TFB1M: variants seen among roughly 807,000 people sequenced by gnomAD.
The protein encoded by TFB1M is transcription factor B1, mitochondrial.
A neutral mutation model predicts 31.1 loss-of-function variants in TFB1M; 27 were observed. That is an observed-to-expected ratio of 0.87 (90% confidence interval 0.64 to 1.20). TFB1M has a LOEUF of 1.20. TFB1M is among the 50% of genes most tolerant of loss of function. The pLI, the probability that TFB1M is intolerant of heterozygous loss-of-function variation, is 0.00. For synonymous variants in TFB1M, 166 were observed against 151.8 expected (o/e 1.09, Z -0.69); for missense variants, 394 against 418.7 (o/e 0.94, Z 0.51).
intron 5 of TFB1M, among the ~76,000 whole-genome samples, chr6:155,263,080 C>T (rs867260366): frequency 3.3e-5 from 5 of 152,146 alleles, no homozygotes; most frequent in African/African-American, 7.2e-5. Context: ...GCTTCTGGGA[C>T]GGCCAGGACC....
chr6:155,233,712 T>C, the TFB1M span, among the ~76,000 whole-genome samples: 2 of 152,170 alleles, frequency 1.3e-5, no homozygotes, highest in Admixed American at 1.3e-4. Context: ...CTCACGCCTA[T>C]AATCCCAGCA....
intron 2 of TFB1M, chr6:155,303,252 A>G (rs1777516625): frequency 6.6e-6 from 1 of 152,222 alleles, no homozygotes; most frequent in Non-Finnish European, 1.5e-5. Flanking sequence ...TCCTTAGGCC[A>G]AGAACACTAA....
At chr6:155,252,617 T>A (rs1240195919), downstream of TFB1M, among the ~76,000 whole-genome samples, 1 of 152,232 alleles carries the variant, frequency 6.6e-6, no homozygotes, top group Non-Finnish European at 1.5e-5. Context: ...CCTTTTACCT[T>A]CACTCAGAAA....
rs71023636 is a variant in TFB1M at position 155,286,355 on chromosome 6, A to AAGAC, written c.547-1082_547-1079dup. Among the ~76,000 whole-genome samples, 6 of 151,704 alleles carry AAGAC rather than the reference A, an allele frequency of 4.0e-5. No homozygotes were observed. In the East Asian group the frequency reaches 1.2e-3, roughly 29 times the overall value. On this transcript the variant is annotated intron_variant, in intron 4 of 6. Transcript: ENST00000367166. ...ATGTAAAAGCAGAGCTATATAAGAA[A>AAGAC]AGACAGACAGACAGACACACACACA...
chr6:155,248,340 G>A, the TFB1M span, among the ~76,000 whole-genome samples: 1 of 152,236 alleles, frequency 6.6e-6, no homozygotes, highest in Non-Finnish European at 1.5e-5. Flanking sequence ...ACGTGAATAT[G>A]TGAAACTAGC....
chr6:155,262,915 C>T (rs1445212899), intron 5 of TFB1M, among the ~76,000 whole-genome samples: 3 of 152,166 alleles, frequency 2.0e-5, no homozygotes, highest in African/African-American at 4.8e-5. Context: ...ACTATAGCGT[C>T]GACTTCTAAA....
At chr6:155,250,109 G>T in the TFB1M span, 1 of 609,628 alleles carries the variant, frequency 1.6e-6, no homozygotes. Context: ...TGTGTCTAAT[G>T]AACTACACAA....
intron 4 of TFB1M, among the ~76,000 whole-genome samples, chr6:155,294,531 A>C (rs1777077702): frequency 6.6e-6 from 1 of 152,194 alleles, no homozygotes; most frequent in African/African-American, 2.4e-5. Context: ...ACTAAAAACA[A>C]GGAACTCAAA....
intron 4 of TFB1M, among the ~76,000 whole-genome samples, chr6:155,288,246 T>C (rs1358067477): frequency 6.6e-6 from 1 of 152,206 alleles, no homozygotes; most frequent in Non-Finnish European, 1.5e-5. Flanking sequence ...TATTTTAAAC[T>C]GTCTGGCTCT....
chr6:155,276,319 G>C, intron 5 of TFB1M: 1 of 1,613,704 alleles, frequency 6.2e-7, no homozygotes, highest in Non-Finnish European at 8.5e-7. Context: ...CCACACAGCA[G>C]CCTATCTCTA....
intron 4 of TFB1M, among the ~76,000 whole-genome samples, chr6:155,291,499 T>C (rs1219767304): frequency 6.6e-6 from 1 of 152,216 alleles, no homozygotes; most frequent in Non-Finnish European, 1.5e-5. Flanking sequence ...TCAGGGTTCC[T>C]AACAAACATG....
chr6:155,282,917 C>T lies in TFB1M; in HGVS notation c.666+2241G>A, dbSNP rs192301053. Among the ~76,000 whole-genome samples the T allele has an allele frequency of 7.4e-3, 1,120 of 152,038 alleles. 15 individuals are homozygous for T. The highest frequency in any genetic ancestry group is 0.026 in the African/African-American group (1,062 of 41,492). ...TAATTTTTTGTATTTTTAGTAGAGA[C>T]GGGGTTTCACCATGTTAGCCAGGAT... On this transcript the variant is annotated intron_variant, in intron 5 of 6. Transcript: ENST00000367166.
chr6:155,296,993 C>T lies in TFB1M; in HGVS notation c.506G>A (p.Arg169Lys). The change falls in exon 4 of 7, where the codon AGA becomes AAA. Residue 169 changes from arginine to lysine, a missense_variant. This residue lies in a region of TFB1M where 273 missense variants were observed against 256.4 expected (regional missense o/e 1.06). Transcript: ENST00000367166. ...SCRDGPFVYG[R>K]TQMTLTFQKE... Reference sequence around the variant, plus strand: ...TTGAAAAGTCAAAGTCATCTGAGTTCTGCCATAAACAAAAGGTCCATCTCT... The same window carrying T: ...TTGAAAAGTCAAAGTCATCTGAGTTTTGCCATAAACAAAAGGTCCATCTCT... The T allele has an allele frequency of 4.3e-6, 7 of 1,613,968 alleles. No homozygotes were observed. The highest frequency in any genetic ancestry group is 5.9e-6 in the Non-Finnish European group (7 of 1,179,930).
chr6:155,250,818 A>C, the TFB1M span: 1 of 1,336,612 alleles, frequency 7.5e-7, no homozygotes, highest in Non-Finnish European at 1.1e-6. Flanking sequence ...CTGTGCTTGC[A>C]TTTTAGCAAT....
chr6:155,245,683 A>G, the TFB1M span: 3 of 1,612,742 alleles, frequency 1.9e-6, no homozygotes, highest in Non-Finnish European at 2.5e-6. Flanking sequence ...TAAACTGTAC[A>G]GTGGATTCTG....
chr6:155,234,548 G>A, the TFB1M span, among the ~76,000 whole-genome samples: 3 of 152,202 alleles, frequency 2.0e-5, no homozygotes, highest in East Asian at 1.9e-4. Flanking sequence ...GACCATAGGC[G>A]TGTGCCACCA....
intron 2 of TFB1M, among the ~76,000 whole-genome samples, chr6:155,307,136 T>TACACAGAC (rs1554257817): frequency 1.4e-5 from 2 of 147,244 alleles, no homozygotes; most frequent in Non-Finnish European, 3.0e-5. Context: ...CTCAAACACA[T>TACACAGAC]ACACACACAC....
the TFB1M span, chr6:155,244,887 TTGACTATTTATTGTCCTG>T: frequency 7.4e-7 from 1 of 1,354,380 alleles, no homozygotes; most frequent in Non-Finnish European, 1.0e-6. Flanking sequence ...CCTGTGACTA[TTGACTATTTATTGTCCTG>T]TGACTATTTC....
At chr6:155,278,512 C>T (rs1023225130) in intron 5 of TFB1M, among the ~76,000 whole-genome samples, 2 of 152,224 alleles carry the variant, frequency 1.3e-5, no homozygotes, top group Non-Finnish European at 2.9e-5. Context: ...CATGTCATGG[C>T]AAGTGCTTCC....
Sources: allele counts gnomAD v4.1 joint callset (sites outside exome capture counted in the v4.1 genomes callset), GRCh38; gene constraint gnomAD v4.1.1; regional missense constraint gnomAD v4.1.1; transcripts MANE v1.5; gene names NCBI Gene and HGNC (gene_info 2026-07-23, HGNC 2026-07-21).